Variants in RAB38 observed in about 807,000 individuals in gnomAD.
The protein encoded by RAB38 is RAB38, member RAS oncogene family.
In RAB38, 15 loss-of-function variants were observed where a neutral mutation model predicts 18.4. The observed-to-expected ratio is 0.82, with a 90% CI of 0.55 to 1.26. The LOEUF is 1.26. Ranked by LOEUF, RAB38 falls within the 50% of genes most tolerant of loss-of-function variation. RAB38 has a pLI of 0.00. For synonymous variants in RAB38, 101 were observed against 104.4 expected, an observed-to-expected ratio of 0.97 and a Z score of 0.20; for missense variants, 294 against 267.4, an observed-to-expected ratio of 1.10 and a Z score of -0.69.
At chr11:87,837,285 G>A in the RAB38 span, among the ~76,000 whole-genome samples, 1 of 152,122 alleles carries the variant, frequency 6.6e-6, no homozygotes, top group Non-Finnish European at 1.5e-5. Flanking sequence ...AAAGTGTTGG[G>A]TGCTTGTGTG....
chr11:87,900,950 G>A, the RAB38 span, among the ~76,000 whole-genome samples: 1 of 151,424 alleles, frequency 6.6e-6, no homozygotes, highest in African/African-American at 2.4e-5. Context: ...TAATATATAT[G>A]TTTATTCCAA....
the RAB38 span, among the ~76,000 whole-genome samples, chr11:87,850,753 C>G: frequency 1.3e-5 from 2 of 151,364 alleles, no homozygotes; most frequent in Non-Finnish European, 3.0e-5. Flanking sequence ...CACATACACA[C>G]ACACCAGTAT....
chr11:87,850,134 AC>A, the RAB38 span, among the ~76,000 whole-genome samples: 1 of 152,124 alleles, frequency 6.6e-6, no homozygotes, highest in Admixed American at 6.6e-5. Context: ...GACTCACTCA[AC>A]CTATCAGTTT....
the RAB38 span, among the ~76,000 whole-genome samples, chr11:88,005,876 T>C: frequency 1.3e-5 from 2 of 151,670 alleles, no homozygotes; most frequent in Non-Finnish European, 1.5e-5. Flanking sequence ...CCATTGCATG[T>C]ACTTGACATC....
chr11:88,059,659 GCA>G, the RAB38 span, among the ~76,000 whole-genome samples: 1 of 152,144 alleles, frequency 6.6e-6, no homozygotes, highest in Non-Finnish European at 1.5e-5. Context: ...TGTGTTCCAG[GCA>G]CAGTGTTTGG....
downstream of RAB38, among the ~76,000 whole-genome samples, chr11:88,112,904 C>T (rs1358206854): frequency 6.6e-6 from 1 of 152,014 alleles, no homozygotes; most frequent in East Asian, 1.9e-4. Flanking sequence ...GCACCACAAC[C>T]ACTGTGTAAA....
chr11:87,893,348 C>T, the RAB38 span, among the ~76,000 whole-genome samples: 4 of 71,452 alleles, frequency 5.6e-5, no homozygotes, highest in Non-Finnish European at 7.8e-5. Flanking sequence ...CACACACACA[C>T]ATATATATAC....
chr11:87,820,199 T>C, the RAB38 span, among the ~76,000 whole-genome samples: 17 of 152,262 alleles, frequency 1.1e-4, 1 homozygote, highest in Middle Eastern at 0.01. Flanking sequence ...TAAGCTTGCA[T>C]TTCGGTTTTC....
At chr11:88,134,229 C>T (rs917871957) in intron 2 of RAB38, among the ~76,000 whole-genome samples, 7 of 152,030 alleles carry the variant, frequency 4.6e-5, no homozygotes, top group African/African-American at 1.7e-4. Context: ...TCAAAAACTG[C>T]CAACTCTATT....
At chr11:88,071,813 A>G in the RAB38 span, among the ~76,000 whole-genome samples, 2 of 152,154 alleles carry the variant, frequency 1.3e-5, no homozygotes, top group Non-Finnish European at 2.9e-5. Flanking sequence ...CACCAGAAAC[A>G]AGCCTCTGAT....
At chr11:88,067,029 GA>G in the RAB38 span, among the ~76,000 whole-genome samples, 1 of 152,080 alleles carries the variant, frequency 6.6e-6, no homozygotes, top group Admixed American at 6.6e-5. Flanking sequence ...AAAGTGTTTA[GA>G]ATATTTCTTG....
the RAB38 span, among the ~76,000 whole-genome samples, chr11:87,844,116 G>A: frequency 3.3e-5 from 5 of 151,962 alleles, no homozygotes; most frequent in Admixed American, 1.3e-4. Context: ...ACTCCTTTGC[G>A]TTTTGCATTA....
the RAB38 span, among the ~76,000 whole-genome samples, chr11:87,925,545 T>A: frequency 6.6e-6 from 1 of 152,052 alleles, no homozygotes; most frequent in Non-Finnish European, 1.5e-5. Flanking sequence ...AGAGTAAGTA[T>A]ATAATAAAGG....
At chr11:88,037,429 A>C in the RAB38 span, among the ~76,000 whole-genome samples, 3,285 of 152,164 alleles carry the variant, frequency 0.022, 100 homozygotes, top group African/African-American at 0.073. Flanking sequence ...AATATATTTT[A>C]TTAATTTATA....
the RAB38 span, among the ~76,000 whole-genome samples, chr11:88,043,602 A>ACC: frequency 0.01 from 1,198 of 114,264 alleles, 18 homozygotes; most frequent in South Asian, 0.055. Flanking sequence ...GCACCTTGTG[A>ACC]CCCCCCCACC....
the RAB38 span, among the ~76,000 whole-genome samples, chr11:87,899,440 G>C: frequency 6.6e-6 from 1 of 151,614 alleles, no homozygotes; most frequent in Non-Finnish European, 1.5e-5. Context: ...GAATGGTTTT[G>C]GAACAATGAA....
chr11:88,030,570 A>G, the RAB38 span, among the ~76,000 whole-genome samples: 1 of 152,242 alleles, frequency 6.6e-6, no homozygotes. Flanking sequence ...CCACAGAAAT[A>G]CAAACTACCA....
chr11:88,121,968 T>C (rs1942636710), intron 2 of RAB38, among the ~76,000 whole-genome samples: 1 of 152,242 alleles, frequency 6.6e-6, no homozygotes, highest in Non-Finnish European at 1.5e-5. Context: ...TCGCAAAAGT[T>C]ACGAACAAAC....
chr11:88,005,585 GT>G, the RAB38 span, among the ~76,000 whole-genome samples: 5,312 of 147,480 alleles, frequency 0.036, 151 homozygotes, highest in Non-Finnish European at 0.056. Context: ...CTGTGCAGAA[GT>G]TTTTTTTTTT....
Sources: gnomAD v4.1 joint callset for allele counts (sites outside exome capture counted in the v4.1 genomes callset) on GRCh38, gnomAD v4.1.1 for gene constraint, MANE v1.5 for transcripts, NCBI Gene and HGNC (gene_info 2026-07-23, HGNC 2026-07-21) for gene names.